The following SBF2 variants were observed in gnomAD, a reference collection of about 807,000 sequenced individuals.
SBF2 encodes SET binding factor 2.
SBF2 carries 112 observed loss-of-function variants against 225.2 expected under a neutral mutation model. That is an observed-to-expected ratio of 0.50 (90% CI 0.43 to 0.58). SBF2 has a LOEUF of 0.58. SBF2 is among the 20% of genes least tolerant of loss of function. The pLI is 0.00. For missense variants in SBF2, 1,996 were observed against 2,206.2 expected, an observed-to-expected ratio of 0.90 and a Z score of 1.91; for synonymous variants, 763 against 773.3, an observed-to-expected ratio of 0.99 and a Z score of 0.22.
At chr11:10,164,176 A>C (rs1025030579) in intron 2 of SBF2, among the ~76,000 whole-genome samples, 1 of 152,162 alleles carries the variant, frequency 6.6e-6, no homozygotes. Flanking sequence ...ACAGTCAAAA[A>C]CTGCATCAGC....
chr11:10,073,520 C>T (rs1950974779), intron 2 of SBF2, among the ~76,000 whole-genome samples: 2 of 152,232 alleles, frequency 1.3e-5, no homozygotes, highest in Admixed American at 1.3e-4. Flanking sequence ...TGAGACCAGC[C>T]TGGCCTACAT....
At chr11:10,233,638 G>T (rs1958948590) in intron 1 of SBF2, among the ~76,000 whole-genome samples, 2 of 149,604 alleles carry the variant, frequency 1.3e-5, no homozygotes, top group Admixed American at 6.7e-5. Context: ...GTATTGATTA[G>T]TAAGTCAGCC....
chr11:9,796,887 A>G (rs2133874179), intron 32 of SBF2, among the ~76,000 whole-genome samples: 1 of 152,352 alleles, frequency 6.6e-6, no homozygotes, highest in South Asian at 2.1e-4. Flanking sequence ...TCATTGAGCT[A>G]TAGCATGCTT....
intron 17 of SBF2, among the ~76,000 whole-genome samples, chr11:9,887,264 G>A (rs1261403615): frequency 6.6e-6 from 1 of 151,792 alleles, no homozygotes; most frequent in Admixed American, 6.6e-5. Flanking sequence ...TAAAAATACT[G>A]TTAATTATTC....
At chr11:9,882,817 A>C (rs1311130688) in intron 17 of SBF2, among the ~76,000 whole-genome samples, 2 of 150,960 alleles carry the variant, frequency 1.3e-5, no homozygotes, top group South Asian at 4.2e-4. Context: ...AAAAAAAAAA[A>C]AAACCACCAA....
chr11:10,168,007 G>C (rs1191882435), intron 2 of SBF2, among the ~76,000 whole-genome samples: 1 of 152,212 alleles, frequency 6.6e-6, no homozygotes, highest in Non-Finnish European at 1.5e-5. Context: ...AACAGAGTGA[G>C]ACTCTGTCTC....
At chr11:9,844,330 T>C (rs1020161464) in intron 24 of SBF2, among the ~76,000 whole-genome samples, 1 of 152,188 alleles carries the variant, frequency 6.6e-6, no homozygotes, top group Non-Finnish European at 1.5e-5. Context: ...TCTACCCTTC[T>C]TTCAGGCAAA....
intron 6 of SBF2, among the ~76,000 whole-genome samples, chr11:10,008,132 T>C (rs1948280852): frequency 6.6e-6 from 1 of 152,168 alleles, no homozygotes; most frequent in South Asian, 2.1e-4. Flanking sequence ...GGGATTACAA[T>C]ACCCAGGGAG....
chr11:9,920,180 A>ATGTGTG (rs1863492639), intron 16 of SBF2, among the ~76,000 whole-genome samples: 2 of 122,628 alleles, frequency 1.6e-5, no homozygotes, highest in Non-Finnish European at 3.8e-5. Context: ...TGCAAATACT[A>ATGTGTG]TATGTGTGTG....
At chr11:10,285,664 T>C (rs2135571411) in intron 1 of SBF2, among the ~76,000 whole-genome samples, 1 of 152,330 alleles carries the variant, frequency 6.6e-6, no homozygotes, top group Admixed American at 6.5e-5. Context: ...CTAGAGGGTA[T>C]TTAAACCCCA....
chr11:10,074,111 T>C (rs1179222172), intron 2 of SBF2, among the ~76,000 whole-genome samples: 1 of 152,202 alleles, frequency 6.6e-6, no homozygotes, highest in Non-Finnish European at 1.5e-5. Flanking sequence ...TTAGAAGGGT[T>C]TGAGGCCAGT....
chr11:10,004,519 C>T (rs1432409199), intron 6 of SBF2, among the ~76,000 whole-genome samples: 2 of 146,488 alleles, frequency 1.4e-5, no homozygotes, highest in Middle Eastern at 3.2e-3. Flanking sequence ...AAGCTAGGAA[C>T]TGCACCAGGA....
intron 2 of SBF2, among the ~76,000 whole-genome samples, chr11:10,084,570 C>A (rs190499771): frequency 3.5e-4 from 53 of 152,136 alleles, no homozygotes; most frequent in African/African-American, 9.4e-4. Flanking sequence ...TCCAGCAATC[C>A]CACTACTGGG....
At chr11:9,980,975 T>A (rs368423671) in intron 13 of SBF2, among the ~76,000 whole-genome samples, 14 of 152,248 alleles carry the variant, frequency 9.2e-5, no homozygotes, top group African/African-American at 3.4e-4. Context: ...AAAAAAGTAT[T>A]TATTCCCTCA....
At chr11:9,968,819 C>T (rs1867135962) in intron 13 of SBF2, among the ~76,000 whole-genome samples, 1 of 152,124 alleles carries the variant, frequency 6.6e-6, no homozygotes, top group Admixed American at 6.5e-5. Context: ...TTCTCATCTC[C>T]CTAATCCCTT....
intron 16 of SBF2, among the ~76,000 whole-genome samples, chr11:9,900,026 CTTCTTTTT>C (rs1861594783): frequency 2.0e-5 from 2 of 97,756 alleles, no homozygotes; most frequent in African/African-American, 9.8e-5. Flanking sequence ...TTTTCCTTTT[CTTCTTTTT>C]TTTTTTTTTT....
chr11:10,190,452 A>C (rs985862108), intron 2 of SBF2, among the ~76,000 whole-genome samples: 1 of 152,172 alleles, frequency 6.6e-6, no homozygotes, highest in Non-Finnish European at 1.5e-5. Context: ...TTACTTTCAT[A>C]TTTTTATTTT....
At chr11:10,060,620 C>A (rs1270122393) in intron 2 of SBF2, among the ~76,000 whole-genome samples, 2 of 152,106 alleles carry the variant, frequency 1.3e-5, no homozygotes, top group African/African-American at 4.8e-5. Flanking sequence ...AACATCAATG[C>A]AAAAATCCTC....
chr11:9,857,051 T>G (rs1026294333), intron 18 of SBF2, among the ~76,000 whole-genome samples: 1 of 152,206 alleles, frequency 6.6e-6, no homozygotes, highest in African/African-American at 2.4e-5. Context: ...CCTCCCAAAG[T>G]GCTGGGATTA....
Sources: gnomAD v4.1 joint callset for allele counts (sites outside exome capture counted in the v4.1 genomes callset) on GRCh38, gnomAD v4.1.1 for gene constraint, MANE v1.5 for transcripts, NCBI Gene and HGNC (gene_info 2026-07-23, HGNC 2026-07-21) for gene names.